FRMD6: variants seen among roughly 807,000 people sequenced by gnomAD.
FRMD6 encodes the protein FERM domain-containing protein 6.
Under a neutral mutation model 73.2 loss-of-function variants are expected in FRMD6, and 37 were observed. The ratio of observed to expected loss-of-function variants is 0.51; its 90% CI spans 0.39 to 0.66. The LOEUF (loss-of-function observed/expected upper bound fraction) is 0.66. FRMD6 is among the 30% of genes least tolerant of loss of function. The pLI, the probability that FRMD6 is intolerant of heterozygous loss-of-function variation, is 0.00. For synonymous variants in FRMD6, 273 were observed against 282.2 expected (o/e 0.97, Z 0.33); for missense variants, 714 against 780.5 (o/e 0.91, Z 1.02).
chr14:51,463,483 GT>G, the FRMD6 span, among the ~76,000 whole-genome samples: 1 of 152,216 alleles, frequency 6.6e-6, no homozygotes, highest in Non-Finnish European at 1.5e-5. Context: ...TCAATTTGCA[GT>G]TGGTTAAATC....
intron 1 of FRMD6, among the ~76,000 whole-genome samples, chr14:51,558,571 C>A (rs910569189): frequency 6.6e-5 from 10 of 151,794 alleles, no homozygotes; most frequent in African/African-American, 2.4e-4. Flanking sequence ...AAAATTTTAG[C>A]CATTTTAAAT....
At chr14:51,674,257 A>G (rs767969740) in intron 1 of FRMD6, among the ~76,000 whole-genome samples, 64 of 152,220 alleles carry the variant, frequency 4.2e-4, no homozygotes, top group Non-Finnish European at 6.3e-4. Flanking sequence ...TCCAAACGTG[A>G]AAGTCATGAA....
At chr14:51,695,875 A>G (rs921158976) in intron 2 of FRMD6, among the ~76,000 whole-genome samples, 1 of 152,194 alleles carries the variant, frequency 6.6e-6, no homozygotes, top group Non-Finnish European at 1.5e-5. Context: ...AGTCGGAATT[A>G]TCACCAGTTC....
At chr14:51,576,074 G>T (rs1012917793) in intron 2 of FRMD6, 5 of 152,274 alleles carry the variant, frequency 3.3e-5, no homozygotes, top group Admixed American at 2.0e-4. Context: ...GAACAATCAA[G>T]AACCAGAGCA....
rs576951738 is a variant in FRMD6, at chr14:51,720,545, C to G, written c.1360+155C>G. On this transcript the variant is annotated intron_variant, in intron 11 of 13. Transcript: ENST00000344768. The stretch of plus-strand genomic sequence containing the variant: ...CTTCCCCAATGACTTGGTTGAGTTG[C>G]TTGTGTTTGGCTGTGAACAAAACAT... 6 of 671,196 alleles carry G rather than the reference C, an allele frequency of 8.9e-6. No individual in the cohort carries two copies. The East Asian group carries it at 1.6e-4, about 18-fold the overall frequency. 41.6% of individuals were successfully genotyped at this position (671,196 alleles called of 1,614,324 possible). A position where few individuals can be genotyped will look rare whatever the true frequency, so the allele number is the denominator to read the frequency against.
chr14:51,592,289 A>G lies in FRMD6; in HGVS notation c.-147+21879A>G, dbSNP rs574621007. On this transcript the variant is annotated intron_variant, in intron 2 of 14. Coordinates refer to the FRMD6 transcript ENST00000356218. ...CGGTTCAGAGTCCTTTGATCAAAATATTGTTAGGATGCCTTGTTGCTGAAC... is the reference window on the plus strand; with the variant it reads ...CGGTTCAGAGTCCTTTGATCAAAATGTTGTTAGGATGCCTTGTTGCTGAAC... Among the ~76,000 whole-genome samples the G allele has an allele frequency of 2.0e-5, 3 of 152,308 alleles. 1 individual carries two copies. The South Asian group carries it at 6.2e-4, about 32-fold the overall frequency.
At chr14:51,424,629 G>A in the FRMD6 span, among the ~76,000 whole-genome samples, 1 of 152,140 alleles carries the variant, frequency 6.6e-6, no homozygotes, top group Non-Finnish European at 1.5e-5. Flanking sequence ...CCCTCTTCAG[G>A]GAGTCCCACA....
chr14:51,631,864 GT>G (rs971363776), intron 2 of FRMD6, among the ~76,000 whole-genome samples: 5 of 152,176 alleles, frequency 3.3e-5, no homozygotes, highest in Non-Finnish European at 5.9e-5. Context: ...ATGGTGTTTT[GT>G]CGCAACAAAT....
the FRMD6 span, among the ~76,000 whole-genome samples, chr14:51,418,868 C>T: frequency 1.3e-5 from 2 of 152,256 alleles, no homozygotes; most frequent in African/African-American, 4.8e-5. Context: ...TGTTTACCTA[C>T]TTAAGCCTCA....
chr14:51,463,499 G>T, the FRMD6 span, among the ~76,000 whole-genome samples: 1 of 152,168 alleles, frequency 6.6e-6, no homozygotes, highest in Non-Finnish European at 1.5e-5. Flanking sequence ...TAAATCCATG[G>T]ATTCAGAACC....
the FRMD6 span, among the ~76,000 whole-genome samples, chr14:51,422,432 A>T: frequency 6.6e-6 from 1 of 152,256 alleles, no homozygotes; most frequent in African/African-American, 2.4e-5. Context: ...TTAATAAACA[A>T]GTACATGACT....
intron 2 of FRMD6, among the ~76,000 whole-genome samples, chr14:51,623,920 A>G (rs1891024650): frequency 6.6e-6 from 1 of 152,228 alleles, no homozygotes; most frequent in Admixed American, 6.5e-5. Context: ...AAATAGAGTC[A>G]AAGAATTTTC....
At chr14:51,632,010 CCA>C (rs1390111808) in intron 2 of FRMD6, among the ~76,000 whole-genome samples, 1 of 152,208 alleles carries the variant, frequency 6.6e-6, no homozygotes, top group Non-Finnish European at 1.5e-5. Flanking sequence ...CCCATAATCT[CCA>C]CATGTGGAGG....
chr14:51,508,173 C>G (rs1022002082), intron 1 of FRMD6, among the ~76,000 whole-genome samples: 1 of 152,146 alleles, frequency 6.6e-6, no homozygotes, highest in African/African-American at 2.4e-5. Flanking sequence ...TCGCAGCCAC[C>G]TCTCCCGCTG....
intron 2 of FRMD6, among the ~76,000 whole-genome samples, chr14:51,616,949 T>C (rs1021558179): frequency 2.0e-5 from 3 of 152,226 alleles, no homozygotes; most frequent in African/African-American, 4.8e-5. Context: ...GAACTGCATT[T>C]TATACACTTC....
At chr14:51,401,426 A>G in the FRMD6 span, among the ~76,000 whole-genome samples, 1 of 151,130 alleles carries the variant, frequency 6.6e-6, no homozygotes, top group East Asian at 1.9e-4. Context: ...GCGGACACAA[A>G]CAGTTTCCAT....
chr14:51,652,600 G>A (rs1892504095), intron 1 of FRMD6, among the ~76,000 whole-genome samples: 1 of 152,244 alleles, frequency 6.6e-6, no homozygotes, highest in Admixed American at 6.5e-5. Flanking sequence ...CCCGCGTCCC[G>A]GAAAGTGCCT....
rs1444798916 is a variant in FRMD6, at chr14:51,729,868, A to C, written c.*1839A>C. The C allele has an allele frequency of 1.3e-5, 2 of 152,704 alleles. No homozygotes were observed. Among genetic ancestry groups the C allele is most frequent in the African/African-American group, 4.8e-5 (2 of 41,480 alleles). The allele number at this position is 152,704 out of a possible 1,614,324, so 9.5% of individuals were successfully genotyped here. ...AAGTTCCATAGAGTTCTGTGGTCAC[A>C]AAATTGTTTTGCTTTTATCAAATAC... is the stretch of plus-strand genomic sequence containing the variant. On this transcript the variant is annotated 3_prime_UTR_variant, in exon 14 of 14. Transcript: ENST00000344768.
At chr14:51,466,653 C>T in the FRMD6 span, among the ~76,000 whole-genome samples, 1 of 152,054 alleles carries the variant, frequency 6.6e-6, no homozygotes, top group Non-Finnish European at 1.5e-5. Flanking sequence ...ATTACTGTAG[C>T]TTTATAAATT....
Sources: gnomAD v4.1 joint callset for allele counts (sites outside exome capture counted in the v4.1 genomes callset) on GRCh38, gnomAD v4.1.1 for gene constraint, MANE v1.5 for transcripts, NCBI Gene and HGNC (gene_info 2026-07-23, HGNC 2026-07-21) for gene names.